TRIO: variants seen among roughly 807,000 people sequenced by gnomAD.
TRIO encodes trio Rho guanine nucleotide exchange factor, also known as triple functional domain protein.
TRIO carries 58 observed loss-of-function variants against 351.9 expected under a neutral mutation model. The ratio of observed to expected loss-of-function variants is 0.16; its 90% CI spans 0.13 to 0.21. TRIO has a LOEUF of 0.21. TRIO is among the 10% of genes least tolerant of loss of function. TRIO has a pLI of 1.00. For missense variants in TRIO, 3,201 were observed against 4,027.8 expected (o/e 0.79, Z 5.56); for synonymous variants, 1,758 against 1,595.7 (o/e 1.10, Z -2.42).
At position 14,390,895 on chromosome 5, in the gene TRIO, T is replaced by C. The variant is rs1244937665; in HGVS notation, c.4129-6T>C. On this transcript the variant is annotated splice_region_variant and splice_polypyrimidine_tract_variant and intron_variant, in intron 26 of 56. Transcript: ENST00000344204. Reference sequence around the variant, plus strand: ...TAAATGAGATCTTTTTTTTTTTGGCTTACAGGCAGACAAGTTTCAGATGTA... The same window carrying C: ...TAAATGAGATCTTTTTTTTTTTGGCCTACAGGCAGACAAGTTTCAGATGTA... 2.6e-5 allele frequency: 42 copies of C among 1,592,718 alleles called. No homozygotes were observed. The highest frequency in any genetic ancestry group is 3.6e-5 in the Non-Finnish European group (42 of 1,173,688).
Position 14,391,002 on chromosome 5 carries a change from A to G in TRIO, c.4218+12A>G, listed in dbSNP as rs377187111. The G allele has an allele frequency of 1.3e-5, 21 of 1,579,860 alleles. No homozygotes were observed. Among genetic ancestry groups the G allele is most frequent in the Non-Finnish European group, 1.6e-5 (19 of 1,167,780 alleles). ...GGTCCTATTTTGACGTAAGTAATAGATTCCTAAAGAGACCATAATTTTCCA... is the reference window on the plus strand; with the variant it reads ...GGTCCTATTTTGACGTAAGTAATAGGTTCCTAAAGAGACCATAATTTTCCA... On this transcript the variant is annotated intron_variant, in intron 27 of 56. Coordinates refer to ENST00000344204, the MANE Select transcript of TRIO (RefSeq NM_007118.4).
chr5:14,463,077 G>T, intron 36 of TRIO, 152 bp downstream of exon 36: 2 of 1,067,106 alleles, frequency 1.9e-6, no homozygotes, highest in Non-Finnish European at 2.5e-6. Context: ...GCGTCAGCCT[G>T]GTTGTACCCC....
intron 1 of TRIO, among the ~76,000 whole-genome samples, chr5:14,228,358 T>C (rs949399693): frequency 6.6e-6 from 1 of 151,818 alleles, no homozygotes; most frequent in African/African-American, 2.4e-5. Flanking sequence ...GCCGCAAACA[T>C]GTGAGCCTGT....
intron 1 of TRIO, among the ~76,000 whole-genome samples, chr5:14,178,428 G>A (rs572559071): frequency 6.6e-6 from 1 of 152,344 alleles, no homozygotes; most frequent in East Asian, 1.9e-4. Context: ...AAAAAGCCTT[G>A]TGCCTGCCTG....
intron 18 of TRIO, among the ~76,000 whole-genome samples, chr5:14,371,741 A>C (rs1009502808): frequency 6.6e-6 from 1 of 151,852 alleles, no homozygotes; most frequent in Non-Finnish European, 1.5e-5. Flanking sequence ...CCTGGGCTTA[A>C]GTGATCATCC....
chr5:14,358,447 T>C, intron 12 of TRIO, 100 bp downstream of exon 12: 1 of 1,406,464 alleles, frequency 7.1e-7, no homozygotes, highest in Non-Finnish European at 9.8e-7. Context: ...TGCTTCTCTG[T>C]CCAGCTGAGT....
At chr5:14,430,297 G>T (rs1299672100) in intron 34 of TRIO, among the ~76,000 whole-genome samples, 1 of 150,204 alleles carries the variant, frequency 6.7e-6, no homozygotes, top group Non-Finnish European at 1.5e-5. Context: ...GAGTCTCTGT[G>T]TGACCTGTCT....
intron 6 of TRIO, among the ~76,000 whole-genome samples, chr5:14,295,562 C>T (rs955209109): frequency 6.6e-6 from 1 of 152,234 alleles, no homozygotes; most frequent in African/African-American, 2.4e-5. Flanking sequence ...CATCTCTTCT[C>T]CAGATCCTAA....
chr5:14,191,776 G>C (rs1022527072), intron 1 of TRIO, among the ~76,000 whole-genome samples: 2 of 152,178 alleles, frequency 1.3e-5, no homozygotes, highest in African/African-American at 4.8e-5. Context: ...TCGCAGACTG[G>C]AAAAGATAAT....
chr5:14,387,604 T>A lies in TRIO; in HGVS notation c.3737T>A (p.Leu1246Gln). 6.2e-7 allele frequency: 1 copy of A among 1,612,870 alleles called. No homozygotes were observed. Residue 1246 changes from leucine to glutamine, a missense_variant, in exon 22 of 57, where the codon CTG becomes CAG. Leu to Gln is a moderately radical substitution (Grantham distance 113, BLOSUM62 -2). Transcript: ENST00000344204. ...EKYRTSLEKA[L>Q]GISSDSNKSS... The stretch of plus-strand genomic sequence containing the variant: ...TACAGGACCTCTTTGGAAAAAGCCC[T>A]GGGGATTTCTTCAGATTCCAACAAA...
At chr5:14,403,960 TGTGGTGAGGGTACAG>T (rs1399673288) in intron 31 of TRIO, among the ~76,000 whole-genome samples, 8 of 50,970 alleles carry the variant, frequency 1.6e-4, no homozygotes, top group African/African-American at 5.0e-4. Context: ...GGGTGTAGGT[TGTGGTGAGGGTACAG>T]GTGGTGAGGG....
intron 1 of TRIO, among the ~76,000 whole-genome samples, chr5:14,198,636 G>C (rs1031137263): frequency 2.6e-5 from 4 of 151,650 alleles, no homozygotes; most frequent in African/African-American, 9.7e-5. Flanking sequence ...TGTAAGGTGT[G>C]AGGGCCTTTG....
chr5:14,285,992 C>G (rs1736414831), intron 3 of TRIO, among the ~76,000 whole-genome samples: 1 of 152,162 alleles, frequency 6.6e-6, no homozygotes, highest in Non-Finnish European at 1.5e-5. Context: ...TGTTTAAGGA[C>G]ACCTTAACTC....
At chr5:14,330,999 G>A (rs1222999399) in intron 10 of TRIO, 99 bp downstream of exon 10, 9 of 1,541,136 alleles carry the variant, frequency 5.8e-6, no homozygotes, top group Non-Finnish European at 7.1e-6. Context: ...GCATTAGCTC[G>A]ATGTGTTTGA....
At chr5:14,369,054 C>T (rs1278142263) in intron 17 of TRIO, among the ~76,000 whole-genome samples, 155 bp downstream of exon 17, 1 of 152,152 alleles carries the variant, frequency 6.6e-6, no homozygotes, top group African/African-American at 2.4e-5. Flanking sequence ...AAAATTATTC[C>T]TGTGTACCTT....
intron 28 of TRIO, 75 bp downstream of exon 28, chr5:14,394,205 T>C (rs1372153840): frequency 2.0e-6 from 2 of 977,502 alleles, no homozygotes; most frequent in African/African-American, 3.3e-5. Flanking sequence ...TATATTTATA[T>C]AATTACCCTG....
chr5:14,412,268 G>T (rs764978981), intron 33 of TRIO, among the ~76,000 whole-genome samples: 1 of 152,162 alleles, frequency 6.6e-6, no homozygotes, highest in African/African-American at 2.4e-5. Context: ...GATTACAGGC[G>T]TGAGCCACCA....
intron 1 of TRIO, among the ~76,000 whole-genome samples, chr5:14,207,740 C>A (rs965834170): frequency 1.3e-5 from 2 of 152,104 alleles, no homozygotes; most frequent in Non-Finnish European, 2.9e-5. Flanking sequence ...AGTGAAAATA[C>A]AAGCCACAGA....
chr5:14,233,632 A>G (rs552867277), intron 1 of TRIO, among the ~76,000 whole-genome samples: 45 of 152,238 alleles, frequency 3.0e-4, no homozygotes, highest in Middle Eastern at 3.4e-3. Context: ...GGCACACTGA[A>G]TCTAAAGTGA....
Sources: gnomAD v4.1 joint callset for allele counts (sites outside exome capture counted in the v4.1 genomes callset) on GRCh38, gnomAD v4.1.1 for gene constraint, MANE v1.5 for transcripts, NCBI Gene and HGNC (gene_info 2026-07-23, HGNC 2026-07-21) for gene names.